FHIT: variants seen among roughly 807,000 people sequenced by gnomAD.
FHIT encodes fragile histidine triad diadenosine triphosphatase.
Under a neutral mutation model 17.9 loss-of-function variants are expected in FHIT, and 19 were observed. That is an observed-to-expected ratio of 1.06 (90% CI 0.74 to 1.56). FHIT has a LOEUF of 1.56. Ranked by LOEUF, FHIT falls within the 40% of genes most tolerant of loss-of-function variation. FHIT has a pLI of 0.00. For missense variants in FHIT, 248 were observed against 189.2 expected (o/e 1.31, Z -1.82); for synonymous variants, 81 against 69.7 (o/e 1.16, Z -0.81).
At chr3:60,018,049 G>C (rs969868611) in intron 5 of FHIT, among the ~76,000 whole-genome samples, 1 of 152,202 alleles carries the variant, frequency 6.6e-6, no homozygotes, top group African/African-American at 2.4e-5. Flanking sequence ...AAAGAAAAGA[G>C]GTTTATCTGG....
chr3:61,028,901 GAA>G (rs11344435), intron 3 of FHIT, among the ~76,000 whole-genome samples: 2 of 138,228 alleles, frequency 1.4e-5, no homozygotes, highest in African/African-American at 5.4e-5. Context: ...AAAAAAAAAA[GAA>G]AAAAAAAAAC....
intron 5 of FHIT, among the ~76,000 whole-genome samples, chr3:60,190,880 T>A (rs1017653237): frequency 6.6e-6 from 1 of 151,470 alleles, no homozygotes; most frequent in South Asian, 2.1e-4. Context: ...GAGGTGGAGG[T>A]TGCAGTGAGC....
At chr3:60,152,519 A>T (rs910847593) in intron 5 of FHIT, among the ~76,000 whole-genome samples, 2 of 152,210 alleles carry the variant, frequency 1.3e-5, no homozygotes, top group Non-Finnish European at 2.9e-5. Context: ...TTTCTGCCAC[A>T]GGGAGTTTTC....
intron 8 of FHIT, among the ~76,000 whole-genome samples, chr3:59,856,765 T>C (rs761685618): frequency 2.3e-4 from 35 of 152,098 alleles, no homozygotes; most frequent in Non-Finnish European, 4.4e-4. Flanking sequence ...CTGTGGGAAT[T>C]AAGGAAGTAA....
intron 5 of FHIT, among the ~76,000 whole-genome samples, chr3:60,391,166 C>CGACA (rs1202734580): frequency 6.6e-6 from 1 of 150,784 alleles, no homozygotes; most frequent in African/African-American, 2.4e-5. Flanking sequence ...CCAGCCTGGG[C>CGACA]GACAGAGTGA....
At chr3:61,154,915 A>G (rs1425349156) in intron 2 of FHIT, among the ~76,000 whole-genome samples, 1 of 152,246 alleles carries the variant, frequency 6.6e-6, no homozygotes, top group Non-Finnish European at 1.5e-5. Context: ...CCTTTTAAAT[A>G]AAAGCTAGTT....
chr3:60,136,262 C>G (rs1334363898), intron 5 of FHIT, among the ~76,000 whole-genome samples: 149 of 152,248 alleles, frequency 9.8e-4, no homozygotes, highest in African/African-American at 3.4e-3. Flanking sequence ...GGTTACTTCC[C>G]AGCTGCCATT....
intron 8 of FHIT, among the ~76,000 whole-genome samples, chr3:59,864,432 G>A (rs915686888): frequency 1.3e-5 from 2 of 152,130 alleles, no homozygotes; most frequent in African/African-American, 4.8e-5. Context: ...CCAGCCATGT[G>A]GAACTGTAAG....
At chr3:60,319,796 G>A (rs573843460) in intron 5 of FHIT, among the ~76,000 whole-genome samples, 53 of 152,234 alleles carry the variant, frequency 3.5e-4, no homozygotes, top group Admixed American at 8.5e-4. Context: ...GTTCGTTTGG[G>A]GTTGCCGACT....
chr3:60,406,494 A>C (rs1701861630), intron 5 of FHIT, among the ~76,000 whole-genome samples: 1 of 152,206 alleles, frequency 6.6e-6, no homozygotes, highest in African/African-American at 2.4e-5. Flanking sequence ...AGCGAAAGAG[A>C]CACACGGCAC....
chr3:59,979,050 GA>G (rs1471326187), intron 7 of FHIT, among the ~76,000 whole-genome samples: 1 of 152,126 alleles, frequency 6.6e-6, no homozygotes, highest in Non-Finnish European at 1.5e-5. Flanking sequence ...ACCATTCTGT[GA>G]AATTGTTAGG....
chr3:59,839,037 C>A (rs1403177408), intron 8 of FHIT, among the ~76,000 whole-genome samples: 1 of 152,210 alleles, frequency 6.6e-6, no homozygotes, highest in African/African-American at 2.4e-5. Flanking sequence ...CATCTCCCAG[C>A]TGGGCGCGGT....
At chr3:59,789,092 G>A (rs1396934005) in intron 8 of FHIT, among the ~76,000 whole-genome samples, 1 of 151,970 alleles carries the variant, frequency 6.6e-6, no homozygotes, top group Non-Finnish European at 1.5e-5. Context: ...AAATATAACA[G>A]CTCTGAAAGC....
intron 5 of FHIT, among the ~76,000 whole-genome samples, chr3:60,310,077 A>G (rs527296308): frequency 6.6e-6 from 1 of 152,218 alleles, no homozygotes; most frequent in South Asian, 2.1e-4. Flanking sequence ...GGCAGGCAAG[A>G]AAGCAAGTAA....
intron 2 of FHIT, among the ~76,000 whole-genome samples, chr3:61,087,132 A>G (rs75472771): frequency 6.6e-6 from 1 of 152,142 alleles, no homozygotes; most frequent in Non-Finnish European, 1.5e-5. Flanking sequence ...GGCCTTCTCA[A>G]GACAATTTAT....
At chr3:60,353,207 T>C (rs1699497018) in intron 5 of FHIT, among the ~76,000 whole-genome samples, 2 of 152,150 alleles carry the variant, frequency 1.3e-5, no homozygotes, top group South Asian at 2.1e-4. Flanking sequence ...CCATTTACCA[T>C]GAAGCTGAAT....
intron 2 of FHIT, among the ~76,000 whole-genome samples, chr3:61,059,578 A>G (rs779476803): frequency 6.6e-6 from 1 of 152,122 alleles, no homozygotes; most frequent in Non-Finnish European, 1.5e-5. Flanking sequence ...TATTCTCTTT[A>G]AAGTAGGAGG....
chr3:60,040,423 C>A (rs2106828999), intron 5 of FHIT, among the ~76,000 whole-genome samples: 1 of 152,290 alleles, frequency 6.6e-6, no homozygotes, highest in South Asian at 2.1e-4. Context: ...GGATTACAGG[C>A]ATGAGCCACC....
chr3:61,077,915 C>T (rs956110979), intron 2 of FHIT, among the ~76,000 whole-genome samples: 7 of 152,130 alleles, frequency 4.6e-5, no homozygotes, highest in Non-Finnish European at 8.8e-5. Flanking sequence ...GATGCACTGA[C>T]TGACTGTTGA....
Sources: allele counts gnomAD v4.1 joint callset (sites outside exome capture counted in the v4.1 genomes callset), GRCh38; gene constraint gnomAD v4.1.1; transcripts MANE v1.5; gene names NCBI Gene and HGNC (gene_info 2026-07-23, HGNC 2026-07-21).